The following TOGARAM1 variants were observed in gnomAD, a reference collection of about 807,000 sequenced individuals.
TOGARAM1 encodes TOG array regulator of axonemal microtubules protein 1.
TOGARAM1 carries 100 observed loss-of-function variants against 166.6 expected under a neutral mutation model. The ratio of observed to expected loss-of-function variants is 0.60; its 90% CI spans 0.51 to 0.71. The LOEUF (loss-of-function observed/expected upper bound fraction) is 0.71, where lower values mean the gene tolerates loss of function less well. Ranked by LOEUF, TOGARAM1 falls within the 30% of genes least tolerant of loss-of-function variation. The pLI is 0.00. For missense variants in TOGARAM1, 2,029 were observed against 2,102.7 expected, an observed-to-expected ratio of 0.96 and a Z score of 0.69; for synonymous variants, 758 against 763.8, an observed-to-expected ratio of 0.99 and a Z score of 0.13.
intron 14 of TOGARAM1, among the ~76,000 whole-genome samples, chr14:45,048,309 C>A (rs1456208215): frequency 2.0e-5 from 2 of 99,836 alleles, no homozygotes; most frequent in Non-Finnish European, 1.8e-5. Flanking sequence ...AGCAAGACTC[C>A]ATCTCAAAAA....
At chr14:45,029,134 C>T (rs1454217302) in intron 10 of TOGARAM1, among the ~76,000 whole-genome samples, 3 of 152,078 alleles carry the variant, frequency 2.0e-5, no homozygotes, top group Non-Finnish European at 4.4e-5. Flanking sequence ...GAGAGTATGC[C>T]TGATGAGAGG....
At chr14:45,030,033 G>T (rs969163975) in intron 10 of TOGARAM1, among the ~76,000 whole-genome samples, 5 of 152,116 alleles carry the variant, frequency 3.3e-5, no homozygotes, top group Admixed American at 6.5e-5. Context: ...TGTTGGACAG[G>T]CTGGTCTCGA....
chr14:44,983,241 TAG>T (rs1277661454), intron 1 of TOGARAM1, among the ~76,000 whole-genome samples: 2 of 152,140 alleles, frequency 1.3e-5, no homozygotes, highest in Admixed American at 1.3e-4. Context: ...AACACAAGTA[TAG>T]AGAGAGGTTA....
At chr14:45,048,459 A>T (rs1882196032) in intron 14 of TOGARAM1, among the ~76,000 whole-genome samples, 1 of 152,200 alleles carries the variant, frequency 6.6e-6, no homozygotes, top group African/African-American at 2.4e-5. Flanking sequence ...TATGGAACTC[A>T]TTATACCTAA....
chr14:45,065,815 G>C (rs985018716), intron 16 of TOGARAM1, among the ~76,000 whole-genome samples: 2 of 152,198 alleles, frequency 1.3e-5, no homozygotes, highest in African/African-American at 4.8e-5. Flanking sequence ...CTTCTCTGGA[G>C]GATGAGTTTT....
Position 45,044,839 on chromosome 14 carries a change from G to A in TOGARAM1, c.4123G>A (p.Ala1375Thr). Residue 1375 changes from alanine to threonine, a missense_variant, in exon 13 of 20, where the codon GCA (alanine) becomes ACA (threonine). Ala to Thr is a moderately conservative substitution (Grantham distance 58). This residue lies in a region of TOGARAM1 where 576 missense variants were observed against 670.5 expected (regional missense o/e 0.86). Transcript: ENST00000361462. Reference sequence around the variant, plus strand: ...GGTTAATAATGTAACTCCTGCACGTGCAGTTGTTTCTCTTATCAATGGTGG... The same window carrying A: ...GGTTAATAATGTAACTCCTGCACGTACAGTTGTTTCTCTTATCAATGGTGG... ...AMVNNVTPAR[A>T]VVSLINGGQS... The A allele has an allele frequency of 6.2e-7, 1 of 1,613,120 alleles. No individual in the cohort carries two copies. Among genetic ancestry groups the A allele is most frequent in the Non-Finnish European group, 8.5e-7 (1 of 1,179,584 alleles).
chr14:45,040,298 T>C (rs1280365344), intron 11 of TOGARAM1, among the ~76,000 whole-genome samples: 1 of 152,194 alleles, frequency 6.6e-6, no homozygotes. Context: ...ATTTATGGGA[T>C]GTAGCCAAAT....
At chr14:45,058,455 C>T (rs943078341) in intron 16 of TOGARAM1, among the ~76,000 whole-genome samples, 4 of 152,006 alleles carry the variant, frequency 2.6e-5, no homozygotes, top group South Asian at 2.1e-4. Flanking sequence ...CCATCATGCC[C>T]GGCTAATTTT....
At position 45,060,119 on chromosome 14, in the gene TOGARAM1, C is replaced by T. The variant is rs185167391; in HGVS notation, c.4559+5570C>T. On this transcript the variant is annotated intron_variant, in intron 16 of 19. Transcript: ENST00000361462. ...ATTTTTAGTAGAGATGGGGTTTCAC[C>T]GTGTTAGCCAGGATGGTCTCGATCT... is the stretch of plus-strand genomic sequence containing the variant. 1.9e-3 allele frequency among the ~76,000 whole-genome samples: 281 copies of T among 151,322 alleles called. 3 individuals carry two copies. In the East Asian group the frequency reaches 0.04, roughly 21 times the overall value.
rs146798483 is a variant in TOGARAM1 at position 45,017,432 on chromosome 14, C to CACAG, written c.3238+5359_3238+5360insAGAC. 3.2e-4 allele frequency among the ~76,000 whole-genome samples: 49 copies of CACAG among 151,352 alleles called. No individual in the cohort carries two copies. The South Asian group carries it at 6.9e-3, about 21-fold the overall frequency. ...ACACACACACACACACACACACACA[C>CACAG]ACGTTTTTAGAAGACATTTTGCCAC... On this transcript the variant is annotated intron_variant, in intron 7 of 19. Transcript: ENST00000361462.
At chr14:44,970,071 A>G (rs550347094) in intron 1 of TOGARAM1, among the ~76,000 whole-genome samples, 1 of 152,322 alleles carries the variant, frequency 6.6e-6, no homozygotes, top group Admixed American at 6.5e-5. Context: ...TTGATGTCCA[A>G]AAAATAAGTT....
intron 1 of TOGARAM1, among the ~76,000 whole-genome samples, chr14:44,973,263 T>C (rs568286767): frequency 6.6e-6 from 1 of 152,058 alleles, no homozygotes; most frequent in African/African-American, 2.4e-5. Flanking sequence ...ATTACTTTTT[T>C]TTAGTAGTTT....
rs890253955 is a variant in TOGARAM1 at position 45,032,455 on chromosome 14, A to G, written c.3812+79A>G. ...AATATTTAATTAAAAATCTTGAAAC[A>G]CATTTTCTATTAAAATAATCTTAGA... is the stretch of plus-strand genomic sequence containing the variant. On this transcript the variant is annotated intron_variant, in intron 11 of 19. Transcript: ENST00000361462. 3.1e-6 allele frequency: 4 copies of G among 1,302,558 alleles called. No homozygotes were observed. The African/African-American group carries it at 4.5e-5, about 15-fold the overall frequency. The allele number at this position is 1,302,558 out of a possible 1,614,324, so 80.7% of individuals were successfully genotyped here.
chr14:45,050,623 C>T (rs906568772), intron 14 of TOGARAM1, among the ~76,000 whole-genome samples: 7 of 151,788 alleles, frequency 4.6e-5, no homozygotes, highest in East Asian at 2.0e-4. Context: ...GCCTTTTTCT[C>T]GTTCCTTTTT....
chr14:45,033,373 A>G (rs1353071630), intron 11 of TOGARAM1, among the ~76,000 whole-genome samples: 1 of 152,212 alleles, frequency 6.6e-6, no homozygotes, highest in Non-Finnish European at 1.5e-5. Context: ...AGATCCAGGT[A>G]ATAGGCGTTT....
Position 44,963,039 on chromosome 14 carries a change from T to G in TOGARAM1, c.618T>G (p.Cys206Trp). ...RKDALQILHICLKRSPGEVLR... is the reference protein window; with the variant it reads ...RKDALQILHIWLKRSPGEVLR... ...ATGCGCTGCAGATCCTTCATATATG[T>G]CTGAAACGTAGTCCTGGAGAGGTGC... Residue 206 changes from cysteine to tryptophan, a missense_variant, in exon 1 of 20, where the codon TGT becomes TGG. Cys to Trp is a radical substitution (Grantham distance 215). Coordinates refer to ENST00000361462, the MANE Select transcript of TOGARAM1 (RefSeq NM_001308120.2). The G allele has an allele frequency of 6.2e-7, 1 of 1,614,172 alleles. No homozygotes were observed. The highest frequency in any genetic ancestry group is 8.5e-7 in the Non-Finnish European group (1 of 1,180,028).
chr14:44,980,124 G>C (rs1031326786), intron 1 of TOGARAM1, among the ~76,000 whole-genome samples: 1 of 152,128 alleles, frequency 6.6e-6, no homozygotes, highest in Non-Finnish European at 1.5e-5. Context: ...ACATATTCAT[G>C]TGTCCTCCAT....
intron 6 of TOGARAM1, among the ~76,000 whole-genome samples, chr14:45,009,619 G>C (rs1361931286): frequency 6.6e-6 from 1 of 152,160 alleles, no homozygotes; most frequent in African/African-American, 2.4e-5. Flanking sequence ...TCATGCCATA[G>C]CTCTCATAGC....
Position 44,964,053 on chromosome 14 carries a change from T to C in TOGARAM1, c.1632T>C (p.Gly544=), listed in dbSNP as rs28927673. 5,000 of 1,614,096 alleles carry C rather than the reference T, an allele frequency of 3.1e-3. 137 individuals carry two copies. In the African/African-American group the frequency reaches 0.059, roughly 19 times the overall value. ...TATTGGCATCATCAATGGGCTCAGG[T>C]AAAACCAGCATCCTTTTTAAAGCTG... is the stretch of plus-strand genomic sequence containing the variant. ...FAVLASSMGS[G]KTSILFKAVD... Residue 544 remains glycine (G), a synonymous_variant, in exon 1 of 20, where the codon GGT becomes GGC. Coordinates refer to ENST00000361462, the MANE Select transcript of TOGARAM1 (RefSeq NM_001308120.2).
Sources: allele counts gnomAD v4.1 joint callset (sites outside exome capture counted in the v4.1 genomes callset), GRCh38; gene constraint gnomAD v4.1.1; regional missense constraint gnomAD v4.1.1; transcripts MANE v1.5; gene names NCBI Gene and HGNC (gene_info 2026-07-23, HGNC 2026-07-21).